The following SLC12A2 variants were observed in gnomAD, a reference collection of about 807,000 sequenced individuals.
SLC12A2 encodes the protein solute carrier family 12 member 2, also known as Na-K-2Cl cotransporter 1.
SLC12A2 carries 67 observed loss-of-function variants against 136.3 expected under a neutral mutation model. That is an observed-to-expected ratio of 0.49 (90% CI 0.40 to 0.60). The LOEUF (loss-of-function observed/expected upper bound fraction) is 0.60. Among genes scored for constraint, SLC12A2 ranks in the 20% least tolerant of loss-of-function variants. The pLI, the probability that SLC12A2 is intolerant of heterozygous loss-of-function variation, is 0.00. For missense variants in SLC12A2, 1,322 were observed against 1,534.7 expected, an observed-to-expected ratio of 0.86 and a Z score of 2.32; for synonymous variants, 619 against 562.9, an observed-to-expected ratio of 1.10 and a Z score of -1.41.
chr5:128,097,268 T>A (rs1760579826), intron 1 of SLC12A2, among the ~76,000 whole-genome samples: 1 of 152,098 alleles, frequency 6.6e-6, no homozygotes, highest in Admixed American at 6.6e-5. Context: ...CTTAACCTTT[T>A]TGCATTTCTG....
chr5:128,098,130 A>C (rs546259150), intron 1 of SLC12A2, among the ~76,000 whole-genome samples: 6 of 151,980 alleles, frequency 3.9e-5, no homozygotes, highest in African/African-American at 1.4e-4. Flanking sequence ...GTGCTTCAAG[A>C]GTTTCTCTAT....
At chr5:128,174,156 G>A (rs887907315) in intron 19 of SLC12A2, among the ~76,000 whole-genome samples, 1 of 152,154 alleles carries the variant, frequency 6.6e-6, no homozygotes, top group Non-Finnish European at 1.5e-5. Flanking sequence ...TACAGTTTGT[G>A]TATCTATATC....
At position 128,186,744 on chromosome 5, in the gene SLC12A2, C is replaced by A; in HGVS notation, c.*113C>A. On this transcript the variant is annotated 3_prime_UTR_variant, in exon 27 of 27. Coordinates refer to ENST00000262461, the MANE Select transcript of SLC12A2 (RefSeq NM_001046.3). The stretch of plus-strand genomic sequence containing the variant: ...ATGGCGAATGGTGACTTTTCTTTCA[C>A]GATTTCATTAATTTGAAAGCACACA... 8.8e-7 allele frequency: 1 copy of A among 1,140,832 alleles called. No individual in the cohort carries two copies. Among genetic ancestry groups the A allele is most frequent in the Non-Finnish European group, 1.3e-6 (1 of 799,498 alleles). The allele number at this position is 1,140,832 out of a possible 1,614,324, so 70.7% of individuals were successfully genotyped here.
Position 128,183,014 on chromosome 5 carries a change from C to G in SLC12A2, c.3299+73C>G, listed in dbSNP as rs1236752352. On this transcript the variant is annotated intron_variant, in intron 24 of 26. Transcript: ENST00000262461. Reference sequence around the variant, plus strand: ...GACACAGATTCAACTTAATTAAAACCCAGAGATTTTTTTCCTGTTGTTAGT... The same window carrying G: ...GACACAGATTCAACTTAATTAAAACGCAGAGATTTTTTTCCTGTTGTTAGT... 9.7e-6 allele frequency: 9 copies of G among 923,718 alleles called. No individual in the cohort carries two copies. In the East Asian group the frequency reaches 2.3e-4, roughly 24 times the overall value. 57.2% of individuals were successfully genotyped at this position (923,718 alleles called of 1,614,324 possible). A position where few individuals can be genotyped will look rare whatever the true frequency, so the allele number is the denominator to read the frequency against.
chr5:128,083,983 C>T lies in SLC12A2; in HGVS notation c.29C>T (p.Ser10Phe). MEPRPTAPSSGAPGLAGVGE... is the reference protein window; with the variant it reads MEPRPTAPSFGAPGLAGVGE... ...GAGCCGCGGCCCACGGCGCCCTCCT[C>T]CGGCGCCCCGGGACTGGCCGGGGTC... Residue 10 changes from serine (S) to phenylalanine (F), a missense_variant, in exon 1 of 27, where the codon TCC becomes TTC. Coordinates refer to ENST00000262461, the MANE Select transcript of SLC12A2 (RefSeq NM_001046.3). The T allele has an allele frequency of 4.8e-6, 6 of 1,242,502 alleles. No homozygotes were observed. The highest frequency in any genetic ancestry group is 6.0e-6 in the Non-Finnish European group (6 of 993,702). The allele number at this position is 1,242,502 out of a possible 1,614,324, so 77.0% of individuals were successfully genotyped here.
At chr5:128,173,693 T>TA (rs1403705465) in intron 19 of SLC12A2, among the ~76,000 whole-genome samples, 6 of 152,156 alleles carry the variant, frequency 3.9e-5, no homozygotes, top group Admixed American at 1.3e-4. Flanking sequence ...TTGTTAAGAT[T>TA]AAAAAGAAGA....
chr5:128,168,135 C>A, intron 18 of SLC12A2: 1 of 220,064 alleles, frequency 4.5e-6, no homozygotes, highest in East Asian at 9.8e-5. Context: ...TGTATACACT[C>A]TGGCTTCTCA....
In SLC12A2 at chr5:128,095,723, G is replaced by T. The variant is rs1561653538; in HGVS notation, c.756+11013G>T. Among the ~76,000 whole-genome samples the T allele has an allele frequency of 4.6e-5, 7 of 152,184 alleles. No individual in the cohort carries two copies. In the South Asian group the frequency reaches 1.2e-3, roughly 27 times the overall value. On this transcript the variant is annotated intron_variant, in intron 1 of 26. Coordinates refer to ENST00000262461, the MANE Select transcript of SLC12A2 (RefSeq NM_001046.3). ...CTCATTAGCTATTATTAATGTTAGT[G>T]TATTTTATGTGTGGCCTAAGCCAAT...
At chr5:128,167,591 T>C (rs546482717) in intron 17 of SLC12A2, among the ~76,000 whole-genome samples, 170 bp from the exon 18 acceptor site, 4 of 152,248 alleles carry the variant, frequency 2.6e-5, no homozygotes, top group East Asian at 1.9e-4. Context: ...TTAAGTAATA[T>C]CAATGGAATA....
At chr5:128,139,323 C>G (rs948597956) in intron 9 of SLC12A2, among the ~76,000 whole-genome samples, 17 of 151,054 alleles carry the variant, frequency 1.1e-4, no homozygotes, top group Admixed American at 2.0e-4. Context: ...TTAAGCAATG[C>G]TTGGCAATTT....
chr5:128,083,913 A>G lies in SLC12A2; in HGVS notation c.-42A>G. The G allele has an allele frequency of 8.2e-7, 1 of 1,214,578 alleles. No homozygotes were observed. The highest frequency in any genetic ancestry group is 1.0e-6 in the Non-Finnish European group (1 of 976,262). The allele number at this position is 1,214,578 out of a possible 1,614,324, so 75.2% of individuals were successfully genotyped here. ...GGGTGTGGAGGGCGTGCTGCCGGAGACGTCCGCCGGGCTCTGCAGTTCCGC... is the reference window on the plus strand; with the variant it reads ...GGGTGTGGAGGGCGTGCTGCCGGAGGCGTCCGCCGGGCTCTGCAGTTCCGC... On this transcript the variant is annotated 5_prime_UTR_variant, in exon 1 of 27. Transcript: ENST00000262461.
rs141726949 is a variant in SLC12A2 at position 128,134,225 on chromosome 5, G to A, written c.1249G>A (p.Val417Ile). The change falls in exon 6 of 27, where the codon GTC becomes ATC. Residue 417 changes from valine (V) to isoleucine (I), a missense_variant. By Grantham distance (29) the Val-to-Ile change is conservative (BLOSUM62 3). Transcript: ENST00000262461. ...TATCCGAATTATTGGAGCCATTACA[G>A]TCGTGATTCTTTTAGGTATCTCAGT... ...NDIRIIGAIT[V>I]VILLGISVAG... 8.7e-6 allele frequency: 14 copies of A among 1,608,538 alleles called. No homozygotes were observed. The Middle Eastern group carries it at 1.0e-3, about 114-fold the overall frequency.
intron 10 of SLC12A2, 28 bp from the exon 11 acceptor site, chr5:128,147,594 T>G: frequency 7.1e-7 from 1 of 1,411,840 alleles, no homozygotes; most frequent in Non-Finnish European, 1.0e-6. Context: ...TGAGATTTAT[T>G]TTTCCATTTT....
Position 128,146,608 on chromosome 5 carries a change from C to T in SLC12A2, c.1774-1014C>T, listed in dbSNP as rs137936345. 1.0e-3 allele frequency among the ~76,000 whole-genome samples: 158 copies of T among 150,872 alleles called. No homozygotes were observed. The East Asian group carries it at 0.026, about 25-fold the overall frequency. The stretch of plus-strand genomic sequence containing the variant: ...TACACAGAGAAAGCAATATAATATA[C>T]CTAGTATCTACATTACCCAGCTTTA... On this transcript the variant is annotated intron_variant, in intron 10 of 26. Coordinates refer to ENST00000262461, the MANE Select transcript of SLC12A2 (RefSeq NM_001046.3).
At chr5:128,111,657 C>A (rs979943861) in intron 1 of SLC12A2, among the ~76,000 whole-genome samples, 8 of 150,698 alleles carry the variant, frequency 5.3e-5, no homozygotes, top group African/African-American at 1.7e-4. Context: ...CCCAGCTACT[C>A]GGGAGGCTGA....
chr5:128,178,330 T>A (rs1176284750), intron 21 of SLC12A2: 2 of 265,316 alleles, frequency 7.5e-6, no homozygotes, highest in African/African-American at 4.4e-5. Context: ...TATTAGTAAG[T>A]AGGCAGATAA....
At chr5:128,117,849 C>T (rs1007066038) in intron 4 of SLC12A2, among the ~76,000 whole-genome samples, 1 of 152,048 alleles carries the variant, frequency 6.6e-6, no homozygotes, top group Non-Finnish European at 1.5e-5. Context: ...AATGCAAAAT[C>T]TGCAAGGAAC....
At chr5:128,085,678 A>C (rs1217769223) in intron 1 of SLC12A2, among the ~76,000 whole-genome samples, 1 of 152,200 alleles carries the variant, frequency 6.6e-6, no homozygotes, top group East Asian at 1.9e-4. Flanking sequence ...TTGTGAACGC[A>C]AGAGGATGGT....
chr5:128,120,747 A>G (rs1358304793), intron 4 of SLC12A2, among the ~76,000 whole-genome samples: 1 of 152,106 alleles, frequency 6.6e-6, no homozygotes, highest in Non-Finnish European at 1.5e-5. Context: ...ATTAGGAGAT[A>G]CACCTAATGC....
Sources: gnomAD v4.1 joint callset for allele counts (sites outside exome capture counted in the v4.1 genomes callset) on GRCh38, gnomAD v4.1.1 for gene constraint, MANE v1.5 for transcripts, NCBI Gene and HGNC (gene_info 2026-07-23, HGNC 2026-07-21) for gene names.